LIMS1: variants seen among roughly 807,000 people sequenced by gnomAD.
LIMS1 encodes LIM and senescent cell antigen-like-containing domain protein 1.
LIMS1 carries 18 observed loss-of-function variants against 44.1 expected under a neutral mutation model. That is an observed-to-expected ratio of 0.41 (90% confidence interval 0.28 to 0.61). LIMS1 has a LOEUF of 0.61. LIMS1 is among the 20% of genes least tolerant of loss of function. LIMS1 has a pLI of 0.32. For missense variants in LIMS1, 201 were observed against 422.0 expected (o/e 0.48, Z 4.59); for synonymous variants, 93 against 149.1 (o/e 0.62, Z 2.74).
In LIMS1 at chr2:108,582,275, T is replaced by G. The variant is rs567898186; in HGVS notation, c.32+47681T>G. Among the ~76,000 whole-genome samples, 9 of 152,338 alleles carry G rather than the reference T, an allele frequency of 5.9e-5. No homozygotes were observed. The South Asian group carries it at 1.9e-3, about 32-fold the overall frequency. On this transcript the variant is annotated intron_variant, in intron 1 of 9. Coordinates refer to ENST00000544547, the Ensembl canonical transcript of LIMS1. ...TGGGAACTTGTGGAGCATTTTTAGT[T>G]TATCTCGATGGTTTCAGGAAAGGGG...
chr2:108,595,844 C>T (rs1173190096), intron 1 of LIMS1, among the ~76,000 whole-genome samples: 2 of 152,092 alleles, frequency 1.3e-5, no homozygotes, highest in East Asian at 1.9e-4. Context: ...TAAAATCTAC[C>T]ACCTTAATCA....
chr2:108,648,926 AGG>A (rs1422654141), intron 1 of LIMS1, among the ~76,000 whole-genome samples: 1 of 152,260 alleles, frequency 6.6e-6, no homozygotes, highest in Non-Finnish European at 1.5e-5. Flanking sequence ...GGCATGGGCA[AGG>A]ACTTCATGTC....
At chr2:108,540,829 T>C (rs1006537063) in intron 1 of LIMS1, among the ~76,000 whole-genome samples, 2 of 152,204 alleles carry the variant, frequency 1.3e-5, no homozygotes, top group South Asian at 2.1e-4. Flanking sequence ...TGTGGTTGTA[T>C]TGTGGGGTCT....
Position 108,591,920 on chromosome 2 carries a change from A to T in LIMS1, c.32+57326A>T, listed in dbSNP as rs146740192. Among the ~76,000 whole-genome samples, 96 of 149,492 alleles carry T rather than the reference A, an allele frequency of 6.4e-4. 2 individuals carry two copies. The highest frequency in any genetic ancestry group is 2.2e-3 in the African/African-American group (91 of 40,508). ...AGTGATTCTTCTGTCTCAGCCTCCC[A>T]AGTAGCTGGAATTACAGGCACGCAC... On this transcript the variant is annotated intron_variant, in intron 1 of 9. Transcript: ENST00000544547.
intron 1 of LIMS1, among the ~76,000 whole-genome samples, chr2:108,631,721 A>G (rs1239541966): frequency 6.6e-6 from 1 of 152,114 alleles, no homozygotes; most frequent in East Asian, 1.9e-4. Flanking sequence ...TGCGTACGGC[A>G]TCCATGTTCT....
intron 1 of LIMS1, among the ~76,000 whole-genome samples, chr2:108,635,102 A>G (rs951839516): frequency 3.9e-5 from 6 of 152,142 alleles, no homozygotes; most frequent in African/African-American, 9.7e-5. Context: ...GACTTGAACA[A>G]TGAGTCCATG....
At chr2:108,593,373 T>G (rs1263804627) in intron 1 of LIMS1, among the ~76,000 whole-genome samples, 2 of 152,158 alleles carry the variant, frequency 1.3e-5, no homozygotes, top group Non-Finnish European at 2.9e-5. Flanking sequence ...TTTCTTTCCC[T>G]CACTAATTCT....
chr2:108,573,797 C>T (rs1348815377), intron 1 of LIMS1, among the ~76,000 whole-genome samples: 5 of 152,038 alleles, frequency 3.3e-5, no homozygotes, highest in Non-Finnish European at 7.3e-5. Flanking sequence ...CAGTAGGCAA[C>T]GATTACACAT....
intron 1 of LIMS1, among the ~76,000 whole-genome samples, chr2:108,577,280 A>G (rs1159817311): frequency 6.6e-6 from 1 of 152,204 alleles, no homozygotes; most frequent in Non-Finnish European, 1.5e-5. Context: ...CACAGCTAAT[A>G]CAGACTCACT....
intron 1 of LIMS1, among the ~76,000 whole-genome samples, chr2:108,550,512 TAAAA>T (rs199522503): frequency 8.9e-5 from 12 of 135,370 alleles, no homozygotes; most frequent in Non-Finnish European, 4.7e-5. Context: ...AAAATAATAA[TAAAA>T]AAAAATAAAT....
chr2:108,597,693 C>CTTT (rs10693112), intron 1 of LIMS1, among the ~76,000 whole-genome samples: 10,545 of 105,982 alleles, frequency 0.099, 174 homozygotes, highest in Non-Finnish European at 0.13. Context: ...AGCAAAAATG[C>CTTT]TTTTTTTTTT....
intron 1 of LIMS1, among the ~76,000 whole-genome samples, chr2:108,640,804 C>G (rs1689621143): frequency 6.6e-6 from 1 of 152,094 alleles, no homozygotes; most frequent in Non-Finnish European, 1.5e-5. Flanking sequence ...TTTCACAATC[C>G]TCTTCTAGCT....
chr2:108,640,516 C>A (rs960510592), intron 1 of LIMS1, among the ~76,000 whole-genome samples: 1 of 152,166 alleles, frequency 6.6e-6, no homozygotes, highest in African/African-American at 2.4e-5. Context: ...TGAGGTTGAG[C>A]GTGGGGCCAT....
intron 1 of LIMS1, among the ~76,000 whole-genome samples, chr2:108,633,860 G>GGT (rs140489558): frequency 6.6e-6 from 1 of 151,950 alleles, no homozygotes; most frequent in Admixed American, 6.6e-5. Flanking sequence ...TTTACACACA[G>GGT]GTGTGTGTGT....
At chr2:108,642,761 A>G (rs1689790215) in intron 1 of LIMS1, among the ~76,000 whole-genome samples, 1 of 152,138 alleles carries the variant, frequency 6.6e-6, no homozygotes. Context: ...AATAGCTATA[A>G]TTTTTTGCAT....
At chr2:108,558,501 A>G (rs925050219) in intron 1 of LIMS1, among the ~76,000 whole-genome samples, 1 of 151,318 alleles carries the variant, frequency 6.6e-6, no homozygotes, top group African/African-American at 2.4e-5. Context: ...GAGCCACCAC[A>G]CCGGGACGAT....
intron 1 of LIMS1, among the ~76,000 whole-genome samples, chr2:108,611,916 TATAAA>T (rs1203439077): frequency 8.3e-6 from 1 of 120,954 alleles, no homozygotes; most frequent in Non-Finnish European, 1.8e-5. Context: ...TATACACACA[TATAAA>T]ATATATATAT....
At chr2:108,534,712 C>G (rs1450471242) in intron 1 of LIMS1, 118 bp downstream of exon 1, 7 of 509,058 alleles carry the variant, frequency 1.4e-5, no homozygotes, top group Admixed American at 1.3e-4. Flanking sequence ...CGCGGCCTCC[C>G]CCGGTCGGCC....
At chr2:108,545,717 G>A (rs1468633976) in intron 1 of LIMS1, among the ~76,000 whole-genome samples, 1 of 152,178 alleles carries the variant, frequency 6.6e-6, no homozygotes, top group Non-Finnish European at 1.5e-5. Flanking sequence ...ACTTGCCTCA[G>A]GATGAATGGT....
Sources: gnomAD v4.1 joint callset for allele counts (sites outside exome capture counted in the v4.1 genomes callset) on GRCh38, gnomAD v4.1.1 for gene constraint, MANE v1.5 for transcripts, NCBI Gene and HGNC (gene_info 2026-07-23, HGNC 2026-07-21) for gene names.